The following WDR48 variants were observed in gnomAD, a reference collection of about 807,000 sequenced individuals.
WDR48 encodes the protein WD repeat domain 48.
WDR48 carries 22 observed loss-of-function variants against 94.0 expected under a neutral mutation model. The ratio of observed to expected loss-of-function variants is 0.23; its 90% CI spans 0.17 to 0.33. The LOEUF (loss-of-function observed/expected upper bound fraction) is 0.33, where lower values mean the gene tolerates loss of function less well. Ranked by LOEUF, WDR48 falls within the 10% of genes least tolerant of loss-of-function variation. The probability of loss-of-function intolerance (pLI) is 1.00; values close to 1 mark genes in which losing one functional copy is unlikely to be tolerated. For missense variants in WDR48, 541 were observed against 813.8 expected, an observed-to-expected ratio of 0.66 and a Z score of 4.08; for synonymous variants, 278 against 280.5, an observed-to-expected ratio of 0.99 and a Z score of 0.09.
At position 39,063,203 on chromosome 3, in the gene WDR48, T is replaced by G. The variant is rs752822451; in HGVS notation, c.189+13T>G. 6 of 1,612,384 alleles carry G rather than the reference T, an allele frequency of 3.7e-6. No individual in the cohort carries two copies. Among genetic ancestry groups the G allele is most frequent in the Non-Finnish European group, 5.1e-6 (6 of 1,179,388 alleles). On this transcript the variant is annotated intron_variant, in intron 2 of 18. Coordinates refer to ENST00000302313, the MANE Select transcript of WDR48 (RefSeq NM_020839.4). ...CAATCAGCACAAGGTAATGCAGGGA[T>G]TAAAATCTGTACCCAGCAAATTCTG...
At position 39,052,052 on chromosome 3, in the gene WDR48, A is replaced by T; in HGVS notation, c.27A>T (p.Thr9=). The T allele has an allele frequency of 8.1e-6, 13 of 1,613,950 alleles. No homozygotes were observed. Among genetic ancestry groups the T allele is most frequent in the Non-Finnish European group, 1.1e-5 (13 of 1,179,984 alleles). The part of the protein sequence containing the change: MAAHHRQN[T]AGRRKVQVSY... ...TGGCGGCCCATCACCGGCAGAACAC[A>T]GCAGGGCGGAGGAAAGTGCAGGTAT... is the stretch of plus-strand genomic sequence containing the variant. The change falls in exon 1 of 19, where the codon ACA becomes ACT. Residue 9 remains threonine (T), a synonymous_variant. Coordinates refer to ENST00000302313, the MANE Select transcript of WDR48 (RefSeq NM_020839.4).
At chr3:39,074,703 A>ACTTTGCCTTTC in intron 7 of WDR48, 23 bp from the exon 8 acceptor site, 1 of 1,612,914 alleles carries the variant, frequency 6.2e-7, no homozygotes. Flanking sequence ...GCAAGTTCTA[A>ACTTTGCCTTTC]CTTTGCCTTT....
chr3:39,092,407 C>T (rs925671083), intron 17 of WDR48, among the ~76,000 whole-genome samples: 2 of 152,118 alleles, frequency 1.3e-5, no homozygotes, highest in African/African-American at 4.8e-5. Context: ...AAGTCCAGGA[C>T]ACAGTGTGAT....
intron 7 of WDR48, among the ~76,000 whole-genome samples, chr3:39,073,926 A>G (rs1476802294): frequency 5.3e-5 from 8 of 152,176 alleles, no homozygotes; most frequent in African/African-American, 1.9e-4. Context: ...AGGACTTCAA[A>G]AGGCTTGCTG....
chr3:39,060,144 T>C (rs1040843020), intron 1 of WDR48, among the ~76,000 whole-genome samples: 35 of 152,196 alleles, frequency 2.3e-4, no homozygotes, highest in Middle Eastern at 3.2e-3. Flanking sequence ...GTGATTTTTT[T>C]GTATATTCGG....
Position 39,061,978 on chromosome 3 carries a change from G to A in WDR48, c.49-1072G>A, listed in dbSNP as rs2125640433. 2.0e-5 allele frequency among the ~76,000 whole-genome samples: 3 copies of A among 152,262 alleles called. No homozygotes were observed. The Middle Eastern group carries it at 0.01, about 518-fold the overall frequency. The stretch of plus-strand genomic sequence containing the variant: ...TTGTTGTTGTTGTACATTTGTTTAA[G>A]TTCTTTGTAGATTCTGTATATTAGC... On this transcript the variant is annotated intron_variant, in intron 1 of 18. Transcript: ENST00000302313.
chr3:39,092,864 C>T (rs1402537493), intron 17 of WDR48, among the ~76,000 whole-genome samples: 2 of 135,030 alleles, frequency 1.5e-5, no homozygotes, highest in Non-Finnish European at 3.1e-5. Flanking sequence ...TGCCCTCCCA[C>T]CCATCTCTGT....
At chr3:39,053,132 T>C (rs1029905359) in intron 1 of WDR48, among the ~76,000 whole-genome samples, 3 of 152,276 alleles carry the variant, frequency 2.0e-5, no homozygotes, top group African/African-American at 7.2e-5. Flanking sequence ...AGTGGCAGTT[T>C]GGTGCATTTA....
intron 5 of WDR48, among the ~76,000 whole-genome samples, chr3:39,067,417 C>G (rs919384031): frequency 6.6e-6 from 1 of 152,252 alleles, no homozygotes; most frequent in African/African-American, 2.4e-5. Context: ...CCAGAAGAGC[C>G]AGAACGGTAG....
At chr3:39,078,365 G>T in intron 10 of WDR48, 126 bp downstream of exon 10, 3 of 682,474 alleles carry the variant, frequency 4.4e-6, no homozygotes, top group Admixed American at 3.2e-5. Context: ...TAATACATTG[G>T]TTTATTTTTA....
chr3:39,066,927 A>G, intron 5 of WDR48, 52 bp downstream of exon 5: 14 of 1,583,696 alleles, frequency 8.8e-6, no homozygotes, highest in Non-Finnish European at 1.2e-5. Context: ...TAACATAAAT[A>G]AAGAATGGTT....
At chr3:39,071,922 G>C (rs1037113169) in intron 7 of WDR48, among the ~76,000 whole-genome samples, 11 of 152,174 alleles carry the variant, frequency 7.2e-5, no homozygotes, top group African/African-American at 2.4e-4. Flanking sequence ...TTGGAAAAAT[G>C]AGGTGAGGAA....
chr3:39,056,417 C>T lies in WDR48; in HGVS notation c.48+4344C>T, dbSNP rs543427360. On this transcript the variant is annotated intron_variant, in intron 1 of 18. Coordinates refer to ENST00000302313, the MANE Select transcript of WDR48 (RefSeq NM_020839.4). ...TAATAATGGATACAAGAAAATTTCC[C>T]GGAGCTTAAGTGCCGCAAATTTCTA... Among the ~76,000 whole-genome samples the T allele has an allele frequency of 2.1e-4, 32 of 152,198 alleles. 1 individual carries two copies. The highest frequency in any genetic ancestry group is 5.5e-4 in the African/African-American group (23 of 41,534).
At position 39,094,831 on chromosome 3, in the gene WDR48, G is replaced by T; in HGVS notation, c.*88G>T. 6.6e-7 allele frequency: 1 copy of T among 1,507,808 alleles called. No homozygotes were observed. The allele number at this position is 1,507,808 out of a possible 1,614,324, so 93.4% of individuals were successfully genotyped here. A position where few individuals can be genotyped will look rare whatever the true frequency, so the allele number is the denominator to read the frequency against. ...CTAGGAAGCCCACTGATCCCCAACGGGAGCAAGACTTCTAACGGCTGATTG... is the reference window on the plus strand; with the variant it reads ...CTAGGAAGCCCACTGATCCCCAACGTGAGCAAGACTTCTAACGGCTGATTG... On this transcript the variant is annotated 3_prime_UTR_variant, in exon 19 of 19. Transcript: ENST00000302313.
rs1368354660 is a variant in WDR48 at position 39,094,761 on chromosome 3, C to G, written c.*18C>G. The stretch of plus-strand genomic sequence containing the variant: ...CCACGTGAAGGCTGGGCTAATGCTC[C>G]TGGATATTCATTTACGACCTTCCTC... On this transcript the variant is annotated 3_prime_UTR_variant, in exon 19 of 19. Transcript: ENST00000302313. The G allele has an allele frequency of 6.2e-7, 1 of 1,613,652 alleles. No individual in the cohort carries two copies.
At chr3:39,055,501 G>T (rs1202439567) in intron 1 of WDR48, among the ~76,000 whole-genome samples, 1 of 151,924 alleles carries the variant, frequency 6.6e-6, no homozygotes, top group Non-Finnish European at 1.5e-5. Context: ...AAAATAAAAT[G>T]ATACTTAAAA....
At chr3:39,084,283 T>G in intron 12 of WDR48, 21 bp downstream of exon 12, 1 of 1,512,000 alleles carries the variant, frequency 6.6e-7, no homozygotes, top group South Asian at 1.2e-5. Context: ...AATTGATACT[T>G]GTATGATTTG....
chr3:39,081,171 G>A lies in WDR48; in HGVS notation c.1173+1363G>A, dbSNP rs144706631. ...AAATAAATAAATAAAAATAAAGGAC[G>A]AGACAGGTGTTGAGCTTATTATAAA... On this transcript the variant is annotated intron_variant, in intron 11 of 18. Transcript: ENST00000302313. Among the ~76,000 whole-genome samples the A allele has an allele frequency of 4.1e-3, 626 of 152,322 alleles. 9 individuals carry two copies. The highest frequency in any genetic ancestry group is 0.014 in the African/African-American group (594 of 41,576).
chr3:39,064,196 G>A (rs765813968), intron 2 of WDR48, among the ~76,000 whole-genome samples: 16 of 151,982 alleles, frequency 1.1e-4, no homozygotes, highest in African/African-American at 3.6e-4. Context: ...TGTGCCATAC[G>A]CTCTTTGCAT....
Sources: allele counts gnomAD v4.1 joint callset (sites outside exome capture counted in the v4.1 genomes callset), GRCh38; gene constraint gnomAD v4.1.1; transcripts MANE v1.5; gene names NCBI Gene and HGNC (gene_info 2026-07-23, HGNC 2026-07-21).